The following MAML2 variants were observed in gnomAD, a reference collection of about 807,000 sequenced individuals.
MAML2 encodes mastermind like transcriptional coactivator 2.
In MAML2, 22 loss-of-function variants were observed where a neutral mutation model predicts 96.1. The ratio of observed to expected loss-of-function variants is 0.23; its 90% CI spans 0.16 to 0.33. MAML2 has a LOEUF of 0.33. MAML2 is among the 10% of genes least tolerant of loss of function. The probability of loss-of-function intolerance (pLI) is 1.00; values close to 1 mark genes in which losing one functional copy is unlikely to be tolerated. For synonymous variants in MAML2, 561 were observed against 521.3 expected, an observed-to-expected ratio of 1.08 and a Z score of -1.04; for missense variants, 1,367 against 1,392.4, an observed-to-expected ratio of 0.98 and a Z score of 0.29.
At chr11:96,005,413 A>G (rs1440713245) in intron 2 of MAML2, among the ~76,000 whole-genome samples, 1 of 152,216 alleles carries the variant, frequency 6.6e-6, no homozygotes, top group Admixed American at 6.5e-5. Context: ...ATAATTTCTC[A>G]ATTCCACTCT....
intron 1 of MAML2, among the ~76,000 whole-genome samples, chr11:96,110,658 T>A (rs1393702480): frequency 6.6e-6 from 1 of 151,114 alleles, no homozygotes; most frequent in South Asian, 2.1e-4. Flanking sequence ...ATTCTTTTGG[T>A]TGGGTTTTAT....
At chr11:96,174,286 G>A (rs534730058) in intron 1 of MAML2, among the ~76,000 whole-genome samples, 6 of 152,280 alleles carry the variant, frequency 3.9e-5, no homozygotes, top group South Asian at 2.1e-4. Context: ...CTTACCAATC[G>A]CATATCCTCT....
chr11:96,197,999 A>G (rs1215998550), intron 1 of MAML2, among the ~76,000 whole-genome samples: 1 of 152,224 alleles, frequency 6.6e-6, no homozygotes, highest in Non-Finnish European at 1.5e-5. Flanking sequence ...GAAACTTGCA[A>G]TGAGTAAGTA....
At position 96,301,473 on chromosome 11, in the gene MAML2, G is replaced by A. The variant is rs140966272; in HGVS notation, c.513+39910C>T. Among the ~76,000 whole-genome samples, 206 of 152,318 alleles carry A rather than the reference G, an allele frequency of 1.4e-3. 2 individuals are homozygous for A. The highest frequency in any genetic ancestry group is 6.8e-3 in the Middle Eastern group (2 of 294). On this transcript the variant is annotated intron_variant, in intron 1 of 4. Transcript: ENST00000524717. ...TCTCCACTGCGTAGGCCAGGCCAATGGTTAGATTCTAGAGCAGAGCCGTCC... is the reference window on the plus strand; with the variant it reads ...TCTCCACTGCGTAGGCCAGGCCAATAGTTAGATTCTAGAGCAGAGCCGTCC...
chr11:96,029,131 GC>G (rs1858570692), intron 2 of MAML2, among the ~76,000 whole-genome samples: 1 of 148,958 alleles, frequency 6.7e-6, no homozygotes, highest in Non-Finnish European at 1.5e-5. Context: ...TCTGAAATTT[GC>G]AACATCTGCT....
intron 1 of MAML2, among the ~76,000 whole-genome samples, chr11:96,241,670 G>A (rs868101019): frequency 2.0e-5 from 3 of 152,222 alleles, no homozygotes; most frequent in Non-Finnish European, 4.4e-5. Context: ...GCCAGAGTGA[G>A]TGTCCCTGGG....
At position 96,093,235 on chromosome 11, in the gene MAML2, T is replaced by C. The variant is rs1859762282; in HGVS notation, c.796A>G (p.Lys266Glu). ...GLFNMGLKEVKKEPGETLSCS... is the reference protein window; with the variant it reads ...GLFNMGLKEVEKEPGETLSCS... ...GACAGAGTCTCTCCTGGCTCCTTCT[T>C]TACCTCCTTTAAGCCCATGTTAAAC... The change falls in exon 2 of 5, where the codon AAG (lysine) becomes GAG (glutamate). Residue 266 changes from lysine (K) to glutamate (E), a missense_variant. Transcript: ENST00000524717. The C allele has an allele frequency of 6.2e-7, 1 of 1,614,016 alleles. No homozygotes were observed. Among genetic ancestry groups the C allele is most frequent in the Non-Finnish European group, 8.5e-7 (1 of 1,179,904 alleles).
chr11:96,300,843 T>G (rs1863376222), intron 1 of MAML2, among the ~76,000 whole-genome samples: 1 of 152,110 alleles, frequency 6.6e-6, no homozygotes, highest in African/African-American at 2.4e-5. Flanking sequence ...ACCATAGAGT[T>G]GTATTAAAAG....
At chr11:96,051,714 A>T (rs1858993306) in intron 2 of MAML2, among the ~76,000 whole-genome samples, 1 of 152,186 alleles carries the variant, frequency 6.6e-6, no homozygotes, top group Non-Finnish European at 1.5e-5. Flanking sequence ...CCACCAGTTA[A>T]AATTAATTTG....
rs1043446093 is a variant in MAML2, at chr11:95,992,779, G to A, written c.2140-1056C>T. On this transcript the variant is annotated intron_variant, in intron 2 of 4. Transcript: ENST00000524717. ...CTGGCCTTGTCCCAGGGATTCTGAG[G>A]CTATAGATCAGGGTACCTCCTTAGG... Among the ~76,000 whole-genome samples, 4 of 152,188 alleles carry A rather than the reference G, an allele frequency of 2.6e-5. No homozygotes were observed. The South Asian group carries it at 8.3e-4, about 32-fold the overall frequency.
chr11:96,248,619 T>C (rs1862541593), intron 1 of MAML2, among the ~76,000 whole-genome samples: 1 of 152,168 alleles, frequency 6.6e-6, no homozygotes, highest in South Asian at 2.1e-4. Flanking sequence ...TCCTTTTTCA[T>C]TGATTTCCCC....
At chr11:96,208,582 TG>T (rs1861925953) in intron 1 of MAML2, among the ~76,000 whole-genome samples, 1 of 152,210 alleles carries the variant, frequency 6.6e-6, no homozygotes, top group South Asian at 2.1e-4. Context: ...TAACCCTGGA[TG>T]ATATATTAAA....
At chr11:96,125,514 G>T (rs1036479598) in intron 1 of MAML2, among the ~76,000 whole-genome samples, 1 of 152,156 alleles carries the variant, frequency 6.6e-6, no homozygotes, top group African/African-American at 2.4e-5. Flanking sequence ...AGTCTCTCCA[G>T]GGTCTGGGCA....
chr11:96,187,500 T>C (rs1474254358), intron 1 of MAML2, among the ~76,000 whole-genome samples: 1 of 152,202 alleles, frequency 6.6e-6, no homozygotes, highest in Non-Finnish European at 1.5e-5. Context: ...GCATCATTTA[T>C]CCAAAGTGAG....
At chr11:96,231,501 C>A (rs117621337) in intron 1 of MAML2, among the ~76,000 whole-genome samples, 1 of 152,002 alleles carries the variant, frequency 6.6e-6, no homozygotes, top group African/African-American at 2.4e-5. Flanking sequence ...TAAAGGAAGA[C>A]GACAATGAGA....
In MAML2 at chr11:96,093,146, G is replaced by A. The variant is rs200660207; in HGVS notation, c.885C>T (p.Asp295=). ...GATCCATCAGTTGTTCTCCAGGGTC[G>A]TCTCCGTACCTATTAGGAAAAATAT... ...QENIFPNRYG[D]DPGEQLMDPE... is the part of the protein sequence containing the mutation. The change falls in exon 2 of 5, where the codon GAC becomes GAT. Residue 295 remains aspartate, a synonymous_variant. Coordinates refer to ENST00000524717, the MANE Select transcript of MAML2 (RefSeq NM_032427.4). The A allele has an allele frequency of 6.6e-4, 1,069 of 1,613,836 alleles. No individual in the cohort carries two copies. The highest frequency in any genetic ancestry group is 7.6e-4 in the Non-Finnish European group (901 of 1,179,898).
chr11:96,278,456 G>A (rs1291877916), intron 1 of MAML2, among the ~76,000 whole-genome samples: 1 of 152,158 alleles, frequency 6.6e-6, no homozygotes, highest in Non-Finnish European at 1.5e-5. Context: ...TAGTAAGGCG[G>A]ACATCCCAAC....
rs904957890 is a variant in MAML2, at chr11:96,302,793, A to G, written c.513+38590T>C. ...GCAACCAAAGAATACACACCGACAC[A>G]TACCATCTTAGCACATCTATTGTAA... On this transcript the variant is annotated intron_variant, in intron 1 of 4. Transcript: ENST00000524717. 3.3e-5 allele frequency among the ~76,000 whole-genome samples: 5 copies of G among 152,340 alleles called. No individual in the cohort carries two copies. In the East Asian group the frequency reaches 9.6e-4, roughly 29 times the overall value.
intron 1 of MAML2, among the ~76,000 whole-genome samples, chr11:96,216,062 A>G (rs1862045468): frequency 6.6e-6 from 1 of 152,204 alleles, no homozygotes; most frequent in African/African-American, 2.4e-5. Context: ...AGTATTTAGT[A>G]TCATATTTGC....
Sources: gnomAD v4.1 joint callset for allele counts (sites outside exome capture counted in the v4.1 genomes callset) on GRCh38, gnomAD v4.1.1 for gene constraint, MANE v1.5 for transcripts, NCBI Gene and HGNC (gene_info 2026-07-23, HGNC 2026-07-21) for gene names.